Variants in NPM3 observed in about 807,000 individuals in gnomAD.
NPM3 encodes the protein nucleoplasmin-3.
In NPM3, 12 loss-of-function variants were observed where a neutral mutation model predicts 18.1. The ratio of observed to expected loss-of-function variants is 0.66; its 90% CI spans 0.42 to 1.07. The LOEUF is 1.07. Ranked by LOEUF, NPM3 falls within the 50% of genes least tolerant of loss-of-function variation. The pLI is 0.00. For missense variants in NPM3, 274 were observed against 232.1 expected (o/e 1.18, Z -1.17); for synonymous variants, 116 against 93.7 (o/e 1.24, Z -1.38).
rs772612301 is a variant in NPM3, at chr10:101,782,871, C to T, written c.172G>A (p.Asp58Asn). 4 of 1,614,090 alleles carry T rather than the reference C, an allele frequency of 2.5e-6. No homozygotes were observed. The African/African-American group carries it at 4.0e-5, about 16-fold the overall frequency. The change falls in exon 2 of 6, where the codon GAT becomes AAT. Residue 58 changes from aspartate (D) to asparagine (N), a missense_variant. Coordinates refer to ENST00000370110, the Ensembl canonical transcript of NPM3. ...AGTGCCAGCACGTGCTCCGCATCATCCTCTTCCTCTACCTTAAAGGTGAAG... is the reference window on the plus strand; with the variant it reads ...AGTGCCAGCACGTGCTCCGCATCATTCTCTTCCTCTACCTTAAAGGTGAAG...
chr10:101,783,011 T>C lies in NPM3; in HGVS notation c.119-87A>G, dbSNP rs192900230. The C allele has an allele frequency of 4.8e-4, 602 of 1,254,950 alleles. 3 individuals are homozygous for C. In the African/African-American group the frequency reaches 8.1e-3, roughly 17 times the overall value. 77.7% of individuals were successfully genotyped at this position (1,254,950 alleles called of 1,614,324 possible). On this transcript the variant is annotated intron_variant, in intron 1 of 5. Coordinates refer to ENST00000370110, the Ensembl canonical transcript of NPM3. ...CACCAACCCGCCGTCACGTGTAACC[T>C]TGGGCGGACGGGTCATTTACACGTC...
chr10:101,783,163 C>T (rs940387605), intron 1 of NPM3, 110 bp downstream of exon 1: 8 of 933,792 alleles, frequency 8.6e-6, no homozygotes, highest in Admixed American at 2.3e-5. Context: ...GCGGGAACAG[C>T]GAAGCAGCCC....
chr10:101,782,566 C>T, exon 3 of NPM3: 6 of 1,614,086 alleles, frequency 3.7e-6, no homozygotes, highest in Non-Finnish European at 5.1e-6. Context: ...TACCACATTA[C>T]ACTCGTCTTT....
exon 1 of NPM3, chr10:101,783,386 G>C: frequency 6.2e-7 from 1 of 1,606,114 alleles, no homozygotes; most frequent in South Asian, 1.1e-5. Flanking sequence ...AGTACCGGCG[G>C]CCATGCTGTA....
intron 4 of NPM3, 28 bp from the exon 5 acceptor site, chr10:101,781,882 T>C (rs369882393): frequency 2.5e-6 from 4 of 1,614,110 alleles, no homozygotes; most frequent in Non-Finnish European, 3.4e-6. Flanking sequence ...AGTAGAAGGA[T>C]GGGGTGTTAA....
exon 2 of NPM3, chr10:101,782,867 T>C: frequency 6.2e-7 from 1 of 1,614,214 alleles, no homozygotes; most frequent in Non-Finnish European, 8.5e-7. Context: ...GTGCTCCGCA[T>C]CATCCTCTTC....
exon 6 of NPM3, chr10:101,781,597 C>T (rs562196880): frequency 3.9e-4 from 249 of 638,728 alleles, no homozygotes; most frequent in Admixed American, 8.4e-4. Flanking sequence ...TGTCAGGGAA[C>T]AGGGTGCATG....
chr10:101,783,396 A>G (rs1156228988), exon 1 of NPM3: 3 of 1,586,610 alleles, frequency 1.9e-6, no homozygotes, highest in South Asian at 1.1e-5. Flanking sequence ...GCCATGCTGT[A>G]AGAGCCTTCT....
exon 4 of NPM3, chr10:101,782,290 C>T (rs1234479404): frequency 6.2e-7 from 1 of 1,613,992 alleles, no homozygotes; most frequent in Non-Finnish European, 8.5e-7. Context: ...CCGCACAGGG[C>T]CAGAGCCCGA....
In NPM3 at chr10:101,782,198, G is replaced by C. The variant is rs950616064; in HGVS notation, c.418+60C>G. ...TGGGATGGGGCAGGAGTGCGGAGTG[G>C]GGGAAGCCTGATGGGAGAGTCCACT... On this transcript the variant is annotated intron_variant, in intron 4 of 5. Transcript: ENST00000370110. The C allele has an allele frequency of 6.9e-6, 10 of 1,446,554 alleles. No homozygotes were observed. The African/African-American group carries it at 1.1e-4, about 16-fold the overall frequency. 89.6% of individuals were successfully genotyped at this position (1,446,554 alleles called of 1,614,324 possible). A position where few individuals can be genotyped will look rare whatever the true frequency, so the allele number is the denominator to read the frequency against.
At chr10:101,781,498 C>T (rs1196274447) in exon 6 of NPM3, 1 of 563,878 alleles carries the variant, frequency 1.8e-6, no homozygotes, top group Admixed American at 3.4e-5. Flanking sequence ...CACAGGCCCT[C>T]TCCTAGCACC....
intron 3 of NPM3, 33 bp downstream of exon 3, chr10:101,782,433 TCACCACCACCAC>T (rs561586403): frequency 1.9e-6 from 3 of 1,600,010 alleles, no homozygotes; most frequent in African/African-American, 1.3e-5. Context: ...CTCAATCCCC[TCACCACCACCAC>T]CACCACCACC....
At chr10:101,781,937 G>A in intron 4 of NPM3, 83 bp from the exon 5 acceptor site, 3 of 1,611,840 alleles carry the variant, frequency 1.9e-6, no homozygotes, top group Middle Eastern at 1.7e-4. Flanking sequence ...ACGCCGTGGT[G>A]TTAGGCTTAC....
chr10:101,781,608 G>C, exon 6 of NPM3: 1 of 980,636 alleles, frequency 1.0e-6, no homozygotes, highest in Non-Finnish European at 1.5e-6. Context: ...AGGGTGCATG[G>C]CGGTGCATGG....
Position 101,782,361 on chromosome 10 carries a change from A to C in NPM3, c.325-10T>G, listed in dbSNP as rs1212011811. On this transcript the variant is annotated splice_polypyrimidine_tract_variant and intron_variant, in intron 3 of 5. Coordinates refer to ENST00000370110, the Ensembl canonical transcript of NPM3. The stretch of plus-strand genomic sequence containing the variant: ...AGTCATCCAGACTGAGCTGGGAGGA[A>C]GACAAGGATGAAGGCCTGGCCCACT... The C allele has an allele frequency of 6.2e-7, 1 of 1,613,260 alleles. No individual in the cohort carries two copies. The highest frequency in any genetic ancestry group is 2.2e-5 in the East Asian group (1 of 44,880).
At chr10:101,782,228 G>A (rs1272087361) in intron 4 of NPM3, 30 bp downstream of exon 4, 3 of 1,582,524 alleles carry the variant, frequency 1.9e-6, no homozygotes, top group African/African-American at 2.7e-5. Context: ...TCCACTGGAA[G>A]CAAAGGAGAG....
intron 4 of NPM3, 83 bp downstream of exon 4, chr10:101,782,175 G>T: frequency 8.1e-7 from 1 of 1,232,410 alleles, no homozygotes; most frequent in South Asian, 1.3e-5. Context: ...GATGAGGGTG[G>T]GATGGGGCAG....
intron 3 of NPM3, 34 bp from the exon 4 acceptor site, chr10:101,782,385 C>T (rs1564635587): frequency 6.2e-7 from 1 of 1,609,188 alleles, no homozygotes; most frequent in East Asian, 2.2e-5. Context: ...GCCTGGCCCA[C>T]TCCTAGCCCA....
At chr10:101,782,794 C>G in intron 2 of NPM3, 45 bp downstream of exon 2, 1 of 1,603,766 alleles carries the variant, frequency 6.2e-7, no homozygotes, top group Non-Finnish European at 8.5e-7. Flanking sequence ...ACCTATATTG[C>G]CTGCCTGGGC....
Sources: allele counts gnomAD v4.1 joint callset, GRCh38; gene constraint gnomAD v4.1.1; transcripts MANE v1.5; gene names NCBI Gene and HGNC (gene_info 2026-07-23, HGNC 2026-07-21).